The following GRID2 variants were observed in gnomAD, a reference collection of about 807,000 sequenced individuals.
GRID2 encodes the protein glutamate ionotropic receptor delta type subunit 2, also known as glutamate receptor ionotropic, delta-2.
GRID2 carries 33 observed loss-of-function variants against 114.8 expected under a neutral mutation model. That is an observed-to-expected ratio of 0.29 (90% CI 0.22 to 0.38). The LOEUF (loss-of-function observed/expected upper bound fraction) is 0.38. GRID2 is among the 10% of genes least tolerant of loss of function. The pLI is 1.00. For missense variants in GRID2, 1,184 were observed against 1,257.7 expected (o/e 0.94, Z 0.89); for synonymous variants, 505 against 449.9 (o/e 1.12, Z -1.55).
chr4:93,629,188 A>T (rs1743021120), intron 14 of GRID2, among the ~76,000 whole-genome samples: 1 of 152,110 alleles, frequency 6.6e-6, no homozygotes, highest in African/African-American at 2.4e-5. Context: ...CCTATCAGAG[A>T]TTTTAATTCT....
chr4:92,889,341 A>T (rs1310557322), intron 2 of GRID2, among the ~76,000 whole-genome samples: 1 of 152,204 alleles, frequency 6.6e-6, no homozygotes, highest in Non-Finnish European at 1.5e-5. Flanking sequence ...CTGTTTGCAG[A>T]TGACATGATT....
intron 2 of GRID2, among the ~76,000 whole-genome samples, chr4:92,603,703 C>G (rs1327128702): frequency 6.6e-6 from 1 of 151,900 alleles, no homozygotes; most frequent in African/African-American, 2.4e-5. Flanking sequence ...TATAATTTAA[C>G]TAAAGAGATT....
chr4:92,379,272 G>A (rs1729503124), intron 1 of GRID2, among the ~76,000 whole-genome samples: 1 of 151,848 alleles, frequency 6.6e-6, no homozygotes, highest in Non-Finnish European at 1.5e-5. Flanking sequence ...CTTGCGTCTT[G>A]ATGAAGGGTA....
intron 9 of GRID2, among the ~76,000 whole-genome samples, chr4:93,398,689 G>A (rs1015451330): frequency 6.7e-6 from 1 of 150,112 alleles, no homozygotes; most frequent in Non-Finnish European, 1.5e-5. Flanking sequence ...TCTATTTCCT[G>A]CAAGCTTAGC....
intron 14 of GRID2, among the ~76,000 whole-genome samples, chr4:93,645,205 G>C (rs921936765): frequency 6.6e-6 from 1 of 152,102 alleles, no homozygotes; most frequent in Admixed American, 6.5e-5. Flanking sequence ...GGAAAGAGGG[G>C]AGCAAAATCA....
intron 1 of GRID2, among the ~76,000 whole-genome samples, chr4:92,543,004 T>A (rs1365988484): frequency 6.6e-6 from 1 of 151,530 alleles, no homozygotes; most frequent in Non-Finnish European, 1.5e-5. Flanking sequence ...AAACAAACAG[T>A]ACCATGATAG....
At chr4:93,464,967 T>A (rs1372676583) in intron 11 of GRID2, among the ~76,000 whole-genome samples, 3 of 152,224 alleles carry the variant, frequency 2.0e-5, no homozygotes, top group Admixed American at 2.0e-4. Flanking sequence ...CTTTACTATT[T>A]TAAATTCTTC....
At chr4:93,590,267 A>C (rs1378315541) in intron 13 of GRID2, among the ~76,000 whole-genome samples, 8 of 150,470 alleles carry the variant, frequency 5.3e-5, no homozygotes, top group Admixed American at 1.3e-4. Context: ...TCAGCTTTCT[A>C]CATATGGCTA....
At chr4:92,812,507 A>G (rs1288812077) in intron 2 of GRID2, among the ~76,000 whole-genome samples, 3 of 152,108 alleles carry the variant, frequency 2.0e-5, no homozygotes, top group Non-Finnish European at 4.4e-5. Context: ...TGCAAATTTT[A>G]CATGTATATT....
At position 93,464,380 on chromosome 4, in the gene GRID2, T is replaced by C. The variant is rs529100503; in HGVS notation, c.1858+8406T>C. ...CTGACCAGAGCCTTCAAAAACAAAGTCAACATGTTTTGAAAATTAAGACTG... is the reference window on the plus strand; with the variant it reads ...CTGACCAGAGCCTTCAAAAACAAAGCCAACATGTTTTGAAAATTAAGACTG... On this transcript the variant is annotated intron_variant, in intron 11 of 15. Transcript: ENST00000282020. Among the ~76,000 whole-genome samples, 22 of 152,266 alleles carry C rather than the reference T, an allele frequency of 1.4e-4. No homozygotes were observed. In the South Asian group the frequency reaches 4.3e-3, roughly 30 times the overall value.
chr4:93,564,341 T>C (rs903309555), intron 13 of GRID2, among the ~76,000 whole-genome samples: 5 of 152,002 alleles, frequency 3.3e-5, no homozygotes, highest in Admixed American at 6.6e-5. Context: ...TCCTTTCCTA[T>C]TTCTCAGATG....
At chr4:93,294,386 A>G (rs545609166) in intron 8 of GRID2, among the ~76,000 whole-genome samples, 3 of 152,232 alleles carry the variant, frequency 2.0e-5, no homozygotes, top group South Asian at 4.1e-4. Flanking sequence ...AATTTTATTT[A>G]TGTTTTACAA....
At chr4:93,382,065 A>G (rs1763905510) in intron 8 of GRID2, among the ~76,000 whole-genome samples, 1 of 152,062 alleles carries the variant, frequency 6.6e-6, no homozygotes, top group South Asian at 2.1e-4. Flanking sequence ...CACTTTGTAT[A>G]TATTGGCCCA....
At chr4:92,491,231 A>C (rs1245982994) in intron 1 of GRID2, among the ~76,000 whole-genome samples, 1 of 152,150 alleles carries the variant, frequency 6.6e-6, no homozygotes, top group Admixed American at 6.6e-5. Flanking sequence ...GACTTTTTGA[A>C]TGAAAAGTCT....
chr4:93,054,483 G>A lies in GRID2; in HGVS notation c.245-30512G>A, dbSNP rs779573404. 4.0e-5 allele frequency among the ~76,000 whole-genome samples: 6 copies of A among 151,780 alleles called. 1 individual carries two copies. Among genetic ancestry groups the A allele is most frequent in the Non-Finnish European group, 8.8e-5 (6 of 67,888 alleles). The stretch of plus-strand genomic sequence containing the variant: ...GTCATTGTATATTTGTATACCATTT[G>A]TGTCCAGCCTGGTTTATATTTGCTG... On this transcript the variant is annotated intron_variant, in intron 2 of 15. Coordinates refer to ENST00000282020, the MANE Select transcript of GRID2 (RefSeq NM_001510.4).
chr4:93,708,614 C>T (rs1728211207), intron 14 of GRID2, among the ~76,000 whole-genome samples: 1 of 151,790 alleles, frequency 6.6e-6, no homozygotes, highest in Non-Finnish European at 1.5e-5. Context: ...TTTTTTTAAT[C>T]TATTTATCCA....
At chr4:93,770,829 G>A (rs957902666) in intron 15 of GRID2, among the ~76,000 whole-genome samples, 4 of 152,084 alleles carry the variant, frequency 2.6e-5, no homozygotes, top group Non-Finnish European at 5.9e-5. Flanking sequence ...TATTATATCT[G>A]TTGATGGATG....
Position 92,802,358 on chromosome 4 carries a change from C to T in GRID2, c.244+212072C>T, listed in dbSNP as rs1332377608. On this transcript the variant is annotated intron_variant, in intron 2 of 15. Transcript: ENST00000282020. ...CTCATGGTTTTATACATTCTAGTGGCTTTCACAAAGGTATATAATGACATA... is the reference window on the plus strand; with the variant it reads ...CTCATGGTTTTATACATTCTAGTGGTTTTCACAAAGGTATATAATGACATA... Among the ~76,000 whole-genome samples the T allele has an allele frequency of 2.6e-5, 4 of 151,856 alleles. No homozygotes were observed. The East Asian group carries it at 7.8e-4, about 29-fold the overall frequency.
chr4:92,730,372 C>G (rs1322947494), intron 2 of GRID2, among the ~76,000 whole-genome samples: 1 of 151,802 alleles, frequency 6.6e-6, no homozygotes, highest in East Asian at 1.9e-4. Flanking sequence ...ACCCACTGAA[C>G]AGTAAAATAA....
Sources: allele counts gnomAD v4.1 joint callset (sites outside exome capture counted in the v4.1 genomes callset), GRCh38; gene constraint gnomAD v4.1.1; transcripts MANE v1.5; gene names NCBI Gene and HGNC (gene_info 2026-07-23, HGNC 2026-07-21).